Variants in CTNND2 observed in about 807,000 individuals in gnomAD.
CTNND2 encodes catenin delta 2, also known as catenin delta-2.
A neutral mutation model predicts 144.4 loss-of-function variants in CTNND2; 22 were observed. The ratio of observed to expected loss-of-function variants is 0.15; its 90% CI spans 0.11 to 0.22. CTNND2 has a LOEUF of 0.22. Among genes scored for constraint, CTNND2 ranks in the 10% least tolerant of loss-of-function variants. The probability of loss-of-function intolerance (pLI) is 1.00; values close to 1 mark genes in which losing one functional copy is unlikely to be tolerated. For synonymous variants in CTNND2, 751 were observed against 695.6 expected (o/e 1.08, Z -1.25); for missense variants, 1,353 against 1,618.8 (o/e 0.84, Z 2.82).
intron 3 of CTNND2, among the ~76,000 whole-genome samples, chr5:11,564,707 T>C (rs148170200): frequency 7.2e-4 from 109 of 152,340 alleles, no homozygotes; most frequent in African/African-American, 2.5e-3. Flanking sequence ...TTCCTTTGTG[T>C]AAAATTACGT....
In CTNND2 at chr5:11,588,845, G is replaced by C. The variant is rs545630659; in HGVS notation, c.175-23789C>G. The stretch of plus-strand genomic sequence containing the variant: ...AGGGTTACTCTTCCCTCCTTCCCCA[G>C]GCTGTGGAGCAGGCGGTTCCTGGCA... On this transcript the variant is annotated intron_variant, in intron 2 of 21. Coordinates refer to ENST00000304623, the MANE Select transcript of CTNND2 (RefSeq NM_001332.4). 5.1e-5 allele frequency: 50 copies of C among 985,348 alleles called. No homozygotes were observed. The South Asian group carries it at 2.1e-3, about 42-fold the overall frequency. 61.0% of individuals were successfully genotyped at this position (985,348 alleles called of 1,614,324 possible). A position where few individuals can be genotyped will look rare whatever the true frequency, so the allele number is the denominator to read the frequency against.
chr5:11,292,705 T>A lies in CTNND2; in HGVS notation c.1628+53667A>T, dbSNP rs555779880. Among the ~76,000 whole-genome samples, 11 of 152,304 alleles carry A rather than the reference T, an allele frequency of 7.2e-5. No homozygotes were observed. In the South Asian group the frequency reaches 2.3e-3, roughly 32 times the overall value. ...AACTGTGAGTCCATTAAACCTCTTT[T>A]CTTTATAAATTACCCAGTTTGGGGC... On this transcript the variant is annotated intron_variant, in intron 9 of 21. Coordinates refer to ENST00000304623, the MANE Select transcript of CTNND2 (RefSeq NM_001332.4).
chr5:11,538,183 C>G (rs1267021857), intron 3 of CTNND2, among the ~76,000 whole-genome samples: 1 of 152,164 alleles, frequency 6.6e-6, no homozygotes, highest in East Asian at 1.9e-4. Flanking sequence ...GCCTCGAAGT[C>G]TACAGGAATT....
chr5:11,758,009 T>C (rs1789046048), intron 1 of CTNND2, among the ~76,000 whole-genome samples: 1 of 152,026 alleles, frequency 6.6e-6, no homozygotes. Context: ...ATGTATTATT[T>C]TGATTAGACC....
intron 3 of CTNND2, among the ~76,000 whole-genome samples, chr5:11,429,354 G>C (rs1763060338): frequency 6.6e-6 from 1 of 152,082 alleles, no homozygotes; most frequent in Admixed American, 6.6e-5. Context: ...TCTAATTGGG[G>C]ACAATTATAA....
chr5:11,880,118 A>G (rs1582054622), intron 1 of CTNND2, among the ~76,000 whole-genome samples: 1 of 152,294 alleles, frequency 6.6e-6, no homozygotes, highest in Non-Finnish European at 1.5e-5. Context: ...TATTTGTTAA[A>G]GCAACCTAAC....
At chr5:11,860,890 T>C (rs1561865907) in intron 1 of CTNND2, among the ~76,000 whole-genome samples, 1 of 152,240 alleles carries the variant, frequency 6.6e-6, no homozygotes, top group Non-Finnish European at 1.5e-5. Context: ...TACACATTAC[T>C]ATAACAGTAG....
At chr5:11,397,326 A>C (rs1430933651) in intron 5 of CTNND2, 123 bp from the exon 6 acceptor site, 1 of 748,566 alleles carries the variant, frequency 1.3e-6, no homozygotes, top group Non-Finnish European at 2.0e-6. Context: ...CCATGCTTAA[A>C]ATTCTGAGAA....
At chr5:11,752,186 G>A (rs936888629) in intron 1 of CTNND2, among the ~76,000 whole-genome samples, 1 of 151,822 alleles carries the variant, frequency 6.6e-6, no homozygotes. Context: ...TTGCTGTGCA[G>A]AAACTCTTTA....
intron 11 of CTNND2, among the ~76,000 whole-genome samples, chr5:11,196,824 C>T (rs1282688824): frequency 2.0e-5 from 3 of 152,190 alleles, no homozygotes; most frequent in African/African-American, 4.8e-5. Flanking sequence ...ATCTCCGTGG[C>T]TGCACTGTGT....
intron 3 of CTNND2, among the ~76,000 whole-genome samples, chr5:11,526,917 T>A (rs918760387): frequency 7.0e-6 from 1 of 142,906 alleles, no homozygotes; most frequent in Non-Finnish European, 1.5e-5. Flanking sequence ...AAAAAGAAAA[T>A]AAAATTCTGA....
intron 5 of CTNND2, among the ~76,000 whole-genome samples, chr5:11,398,125 C>T (rs1238173546): frequency 6.6e-6 from 1 of 152,062 alleles, no homozygotes; most frequent in African/African-American, 2.4e-5. Flanking sequence ...CTTGGCAATA[C>T]AAGTTTTCTC....
intron 3 of CTNND2, among the ~76,000 whole-genome samples, chr5:11,489,508 G>T (rs1769185408): frequency 6.6e-6 from 1 of 152,026 alleles, no homozygotes; most frequent in Non-Finnish European, 1.5e-5. Context: ...TTCAATAAAT[G>T]TGGTCTGAAA....
intron 8 of CTNND2, among the ~76,000 whole-genome samples, chr5:11,351,444 C>T (rs549476340): frequency 3.3e-5 from 5 of 152,314 alleles, no homozygotes; most frequent in South Asian, 4.1e-4. Context: ...TAGATACCTA[C>T]GCTTTCATGA....
intron 10 of CTNND2, among the ~76,000 whole-genome samples, chr5:11,217,212 C>A (rs1360967593): frequency 6.6e-6 from 1 of 152,112 alleles, no homozygotes; most frequent in Non-Finnish European, 1.5e-5. Context: ...GATGGCTAAT[C>A]CTGTCTACAC....
At chr5:11,693,388 C>T (rs928433014) in intron 2 of CTNND2, among the ~76,000 whole-genome samples, 1 of 152,180 alleles carries the variant, frequency 6.6e-6, no homozygotes, top group Non-Finnish European at 1.5e-5. Context: ...GGGTTTGAAA[C>T]CCAGTTTTGG....
intron 3 of CTNND2, among the ~76,000 whole-genome samples, chr5:11,513,579 T>C (rs1276230230): frequency 6.6e-6 from 1 of 152,128 alleles, no homozygotes. Context: ...TTATCTCTAT[T>C]ACAGAAAAAT....
At chr5:11,538,249 G>A (rs6871714) in intron 3 of CTNND2, among the ~76,000 whole-genome samples, 68,327 of 152,050 alleles carry the variant, frequency 0.45, 15,593 homozygotes, top group Middle Eastern at 0.6. Context: ...CATCTAATGG[G>A]AGAGTGGGAA....
At chr5:11,347,853 A>G (rs1407125900) in intron 8 of CTNND2, among the ~76,000 whole-genome samples, 1 of 152,234 alleles carries the variant, frequency 6.6e-6, no homozygotes, top group African/African-American at 2.4e-5. Flanking sequence ...AAAGGACATT[A>G]TGTCATGCTG....
Sources: allele counts gnomAD v4.1 joint callset (sites outside exome capture counted in the v4.1 genomes callset), GRCh38; gene constraint gnomAD v4.1.1; transcripts MANE v1.5; gene names NCBI Gene and HGNC (gene_info 2026-07-23, HGNC 2026-07-21).